ZBTB16: variants seen among roughly 807,000 people sequenced by gnomAD.
ZBTB16 encodes the protein zinc finger and BTB domain-containing protein 16.
In ZBTB16, 8 loss-of-function variants were observed where a neutral mutation model predicts 56.8. The observed-to-expected ratio is 0.14, with a 90% CI of 0.08 to 0.25. ZBTB16 has a LOEUF of 0.25. Among genes scored for constraint, ZBTB16 ranks in the 10% least tolerant of loss-of-function variants. The pLI is 1.00. For synonymous variants in ZBTB16, 363 were observed against 368.5 expected (o/e 0.98, Z 0.17); for missense variants, 625 against 903.0 (o/e 0.69, Z 3.95).
At position 114,251,470 on chromosome 11, in the gene ZBTB16, AC is replaced by A. The variant is rs1944915866; in HGVS notation, c.*917del. 1.3e-5 allele frequency among the ~76,000 whole-genome samples: 2 copies of A among 152,084 alleles called. No homozygotes were observed. Among genetic ancestry groups the A allele is most frequent in the South Asian group, 4.2e-4 (2 of 4,818 alleles). On this transcript the variant is annotated 3_prime_UTR_variant, in exon 7 of 7. Coordinates refer to ENST00000335953, the MANE Select transcript of ZBTB16 (RefSeq NM_006006.6). ...AAATACCTAATATCCTACCAAACAAACCACAGTCCCTACGTAGCCCTACTTC... is the reference window on the plus strand; with the variant it reads ...AAATACCTAATATCCTACCAAACAAACACAGTCCCTACGTAGCCCTACTTC...
In ZBTB16 at chr11:114,060,573, C is replaced by G. The variant is rs987735138; in HGVS notation, c.-91+691C>G. 6 of 152,074 alleles carry G rather than the reference C, an allele frequency of 3.9e-5. No individual in the cohort carries two copies. Among genetic ancestry groups the G allele is most frequent in the African/African-American group, 1.2e-4 (5 of 41,430 alleles). 9.4% of individuals were successfully genotyped at this position (152,074 alleles called of 1,614,324 possible). Reference sequence around the variant, plus strand: ...GACACCGGAGCTCGCCGTGCGCTCCCGGCCGCTCTCGGTGGGTGCCGGTCT... The same window carrying G: ...GACACCGGAGCTCGCCGTGCGCTCCGGGCCGCTCTCGGTGGGTGCCGGTCT... On this transcript the variant is annotated intron_variant, in intron 1 of 6. Transcript: ENST00000335953. The surrounding 1 kb of genome is among the most constrained non-coding windows in gnomAD (Gnocchi z 6.0).
intron 2 of ZBTB16, among the ~76,000 whole-genome samples, chr11:114,076,951 C>CCATTGATGACATAAATAAA (rs1939590087): frequency 3.9e-5 from 6 of 152,150 alleles, no homozygotes; most frequent in Non-Finnish European, 8.8e-5. Context: ...AAATATTCCC[C>CCATTGATGACATAAATAAA]AGCAGCCAGA....
intron 4 of ZBTB16, among the ~76,000 whole-genome samples, chr11:114,225,702 C>T (rs1056174151): frequency 6.6e-6 from 1 of 152,196 alleles, no homozygotes; most frequent in African/African-American, 2.4e-5. Context: ...GTTTTCAACA[C>T]AGGAACTTTG....
chr11:114,095,526 C>T (rs1940366796), intron 2 of ZBTB16, among the ~76,000 whole-genome samples: 1 of 152,106 alleles, frequency 6.6e-6, no homozygotes, highest in East Asian at 1.9e-4. Flanking sequence ...TCCCACAGTG[C>T]TGGGATTACA....
rs1472990335 is a variant in ZBTB16 at position 114,255,001 on chromosome 11, C to A, written c.*4446C>A. On this transcript the variant is annotated 3_prime_UTR_variant, in exon 7 of 7. Coordinates refer to ENST00000335953, the MANE Select transcript of ZBTB16 (RefSeq NM_006006.6). The stretch of plus-strand genomic sequence containing the variant: ...AACTTCGCAGACAGGGTACCAGCCT[C>A]CTGGTGTGTATCATAGGATTTGTTC... 6.6e-6 allele frequency among the ~76,000 whole-genome samples: 1 copy of A among 152,166 alleles called. No homozygotes were observed. The highest frequency in any genetic ancestry group is 1.5e-5 in the Non-Finnish European group (1 of 68,022).
chr11:114,186,963 G>A lies in ZBTB16; in HGVS notation c.1378G>A (p.Ala460Thr). Residue 460 changes from alanine to threonine, a missense_variant, in exon 4 of 7, where the codon GCC becomes ACC. Physicochemically the swap from Ala to Thr is moderately conservative, Grantham distance 58. Coordinates refer to ENST00000335953, the MANE Select transcript of ZBTB16 (RefSeq NM_006006.6). Reference sequence around the variant, plus strand: ...CTCCTTTCTTTCAGCGGGTGCCAAAGCCTTTGTCTGTGATCAGTGCGGTGC... The same window carrying A: ...CTCCTTTCTTTCAGCGGGTGCCAAAACCTTTGTCTGTGATCAGTGCGGTGC... ...HLLAHSAGAK[A>T]FVCDQCGAQF... 6.2e-7 allele frequency: 1 copy of A among 1,614,092 alleles called. No individual in the cohort carries two copies. Among genetic ancestry groups the A allele is most frequent in the South Asian group, 1.1e-5 (1 of 91,078 alleles).
intron 2 of ZBTB16, among the ~76,000 whole-genome samples, chr11:114,140,936 G>A (rs1439108077): frequency 6.6e-6 from 1 of 152,146 alleles, no homozygotes; most frequent in Non-Finnish European, 1.5e-5. Flanking sequence ...CCCACGCTGA[G>A]CCTCCCGCGC....
chr11:114,215,263 A>G (rs1944073138), intron 4 of ZBTB16, among the ~76,000 whole-genome samples: 1 of 152,222 alleles, frequency 6.6e-6, no homozygotes, highest in Admixed American at 6.5e-5. Context: ...GCCGTAAAAT[A>G]ACTTGTTTTA....
intron 4 of ZBTB16, among the ~76,000 whole-genome samples, chr11:114,229,038 C>G (rs866394411): frequency 2.3e-4 from 35 of 152,170 alleles, no homozygotes; most frequent in Middle Eastern, 3.4e-3. Flanking sequence ...TCAGTAACAC[C>G]CACACACACA....
chr11:114,063,552 G>A lies in ZBTB16; in HGVS notation c.252G>A (p.Leu84=), dbSNP rs868770731. The A allele has an allele frequency of 6.2e-7, 1 of 1,614,108 alleles. No individual in the cohort carries two copies. Among genetic ancestry groups the A allele is most frequent in the Non-Finnish European group, 8.5e-7 (1 of 1,180,052 alleles). Residue 84 remains leucine, a synonymous_variant, in exon 2 of 7, where the codon CTG becomes CTA. Coordinates refer to ENST00000335953, the MANE Select transcript of ZBTB16 (RefSeq NM_006006.6). The surrounding 1 kb of genome is among the most constrained non-coding windows in gnomAD (Gnocchi z 6.5). ...FLSPKTFQQI[L]EYAYTATLQA... The stretch of plus-strand genomic sequence containing the variant: ...CGCCAAAGACCTTCCAGCAGATTCT[G>A]GAGTATGCATATACAGCCACGCTGC...
intron 4 of ZBTB16, chr11:114,209,636 A>T: frequency 1.0e-6 from 1 of 985,402 alleles, no homozygotes; most frequent in Non-Finnish European, 1.2e-6. Flanking sequence ...TAGGGTGGTG[A>T]CTATTCCCCC....
chr11:114,150,210 GA>G (rs1942248630), intron 2 of ZBTB16, among the ~76,000 whole-genome samples: 1 of 152,204 alleles, frequency 6.6e-6, no homozygotes, highest in East Asian at 1.9e-4. Flanking sequence ...GTCACCCTTA[GA>G]AGGAAGGGAA....
chr11:114,130,096 T>A (rs1941621376), intron 2 of ZBTB16, among the ~76,000 whole-genome samples: 1 of 152,242 alleles, frequency 6.6e-6, no homozygotes, highest in Non-Finnish European at 1.5e-5. Flanking sequence ...TGTTTTTCTT[T>A]CACTTACGAA....
chr11:114,215,854 A>G (rs933872299), intron 4 of ZBTB16, among the ~76,000 whole-genome samples: 2 of 152,154 alleles, frequency 1.3e-5, no homozygotes, highest in Admixed American at 6.5e-5. Context: ...TCTGATGGCT[A>G]TTTGAGAAAG....
At chr11:114,097,106 T>C (rs776309483) in intron 2 of ZBTB16, among the ~76,000 whole-genome samples, 22 of 152,242 alleles carry the variant, frequency 1.4e-4, no homozygotes, top group Non-Finnish European at 2.5e-4. Context: ...TAGTGGAATA[T>C]TATTCAGCCT....
intron 2 of ZBTB16, among the ~76,000 whole-genome samples, chr11:114,065,710 C>T (rs139133951): frequency 1.6e-3 from 245 of 152,236 alleles, no homozygotes; most frequent in African/African-American, 5.6e-3. Flanking sequence ...CCACCGTGTC[C>T]AGCTGGTAAT....
At chr11:114,199,589 G>T (rs1353984923) in intron 4 of ZBTB16, among the ~76,000 whole-genome samples, 4 of 152,234 alleles carry the variant, frequency 2.6e-5, no homozygotes, top group Non-Finnish European at 4.4e-5. Flanking sequence ...AGGAGAACTA[G>T]GTTCTTATCC....
At chr11:114,077,972 A>C (rs1247443922) in intron 2 of ZBTB16, among the ~76,000 whole-genome samples, 1 of 152,164 alleles carries the variant, frequency 6.6e-6, no homozygotes, top group East Asian at 1.9e-4. Context: ...GATAAATGCC[A>C]GTTTTTCCAA....
chr11:114,150,092 C>G (rs1459788158), intron 2 of ZBTB16, among the ~76,000 whole-genome samples: 1 of 152,138 alleles, frequency 6.6e-6, no homozygotes, highest in Non-Finnish European at 1.5e-5. Flanking sequence ...ACTTAATATT[C>G]CTACAAAATA....
Sources: gnomAD v4.1 joint callset for allele counts (sites outside exome capture counted in the v4.1 genomes callset) on GRCh38, gnomAD v4.1.1 for gene constraint, Gnocchi (gnomAD v3.1) non-coding constraint, MANE v1.5 for transcripts, NCBI Gene and HGNC (gene_info 2026-07-23, HGNC 2026-07-21) for gene names.